RBFOX1: variants seen among roughly 807,000 people sequenced by gnomAD.
The protein encoded by RBFOX1 is RNA binding protein fox-1 homolog 1.
Under a neutral mutation model 57.7 loss-of-function variants are expected in RBFOX1, and 8 were observed. That is an observed-to-expected ratio of 0.14 (90% CI 0.08 to 0.25). The LOEUF (loss-of-function observed/expected upper bound fraction) is 0.25. RBFOX1 is among the 10% of genes least tolerant of loss of function. The pLI, the probability that RBFOX1 is intolerant of heterozygous loss-of-function variation, is 1.00. For synonymous variants in RBFOX1, 326 were observed against 222.4 expected (o/e 1.47, Z -4.15); for missense variants, 611 against 548.5 (o/e 1.11, Z -1.14).
At chr16:5,994,894 T>G (rs1193784718) in intron 4 of RBFOX1, among the ~76,000 whole-genome samples, 1 of 152,232 alleles carries the variant, frequency 6.6e-6, no homozygotes, top group Non-Finnish European at 1.5e-5. Flanking sequence ...GTTTCCACTC[T>G]TCTTCAGTGT....
chr16:7,404,056 T>TTATTTTATTTTATTTTATTA (rs1487567417), intron 4 of RBFOX1, among the ~76,000 whole-genome samples: 2 of 150,256 alleles, frequency 1.3e-5, no homozygotes, highest in African/African-American at 4.9e-5. Context: ...TTATTTTATT[T>TTATTTTATTTTATTTTATTA]TATTTTATTT....
chr16:7,422,333 G>C (rs1370982054), intron 4 of RBFOX1, among the ~76,000 whole-genome samples: 1 of 152,170 alleles, frequency 6.6e-6, no homozygotes, highest in Non-Finnish European at 1.5e-5. Flanking sequence ...AGTGAGCTGT[G>C]AAATATATTC....
intron 5 of RBFOX1, among the ~76,000 whole-genome samples, chr16:7,555,732 A>C (rs1227036254): frequency 2.0e-5 from 3 of 152,050 alleles, no homozygotes; most frequent in African/African-American, 7.2e-5. Flanking sequence ...TTATTGCCTG[A>C]GCTCTCCCTG....
At chr16:5,849,352 C>T (rs1379281014) in intron 3 of RBFOX1, among the ~76,000 whole-genome samples, 2 of 151,994 alleles carry the variant, frequency 1.3e-5, no homozygotes, top group Non-Finnish European at 2.9e-5. Context: ...CTTGAGGTTA[C>T]TGAAATCACC....
rs188546752 is a variant in RBFOX1, at chr16:6,922,625, A to G, written c.-15-129432A>G. ...TGATTCTTTTACTTGCTGACTGTTG[A>G]ATGTGAAATGTGCAGCCACCTGTAA... On this transcript the variant is annotated intron_variant, in intron 3 of 15. Transcript: ENST00000550418. Among the ~76,000 whole-genome samples, 361 of 152,258 alleles carry G rather than the reference A, an allele frequency of 2.4e-3. 1 individual carries two copies. The highest frequency in any genetic ancestry group is 0.01 in the Middle Eastern group (3 of 294).
rs78585848 is a variant in RBFOX1, at chr16:6,762,273, G to C, written c.-16+107623G>C. ...TGATAGGTTATATATGTAGTGTCTA[G>C]AGTGCAGACTTCTAGTGAAAATACT... is the stretch of plus-strand genomic sequence containing the variant. On this transcript the variant is annotated intron_variant, in intron 3 of 15. Coordinates refer to ENST00000550418, the MANE Select transcript of RBFOX1 (RefSeq NM_018723.4). 1.5e-4 allele frequency among the ~76,000 whole-genome samples: 23 copies of C among 152,300 alleles called. No homozygotes were observed. In the East Asian group the frequency reaches 4.1e-3, roughly 27 times the overall value.
intron 3 of RBFOX1, among the ~76,000 whole-genome samples, chr16:7,019,505 C>A (rs888550190): frequency 1.3e-5 from 2 of 152,066 alleles, no homozygotes; most frequent in Non-Finnish European, 2.9e-5. Context: ...CTTGTCTGAA[C>A]CCCTGAGCCC....
intron 4 of RBFOX1, among the ~76,000 whole-genome samples, chr16:7,437,451 G>T (rs7196458): frequency 6.6e-6 from 1 of 152,012 alleles, no homozygotes; most frequent in Admixed American, 6.6e-5. Flanking sequence ...CACTGTTGGC[G>T]CGTTATTAAT....
At chr16:7,042,179 G>A (rs114193756) in intron 3 of RBFOX1, among the ~76,000 whole-genome samples, 269 of 152,266 alleles carry the variant, frequency 1.8e-3, no homozygotes, top group African/African-American at 6.1e-3. Flanking sequence ...CTAGCTAGTC[G>A]GTGCATGTCT....
At chr16:6,596,445 A>T (rs1471944849) in intron 2 of RBFOX1, among the ~76,000 whole-genome samples, 1 of 152,152 alleles carries the variant, frequency 6.6e-6, no homozygotes, top group Non-Finnish European at 1.5e-5. Flanking sequence ...TTAATTGTAG[A>T]ATGTAAATAT....
In RBFOX1 at chr16:5,473,539, G is replaced by A. The variant is rs190174591; in HGVS notation, c.258+6285G>A. On this transcript the variant is annotated intron_variant, in intron 2 of 2. Transcript: ENST00000585867. ...TAGATAATGCACGTTGCATGGGTGG[G>A]TAGGTGGATGGATGGATGGATGGAA... is the stretch of plus-strand genomic sequence containing the variant. Among the ~76,000 whole-genome samples, 307 of 152,128 alleles carry A rather than the reference G, an allele frequency of 2.0e-3. 2 individuals are homozygous for A. Among genetic ancestry groups the A allele is most frequent in the African/African-American group, 7.2e-3 (298 of 41,496 alleles).
chr16:6,697,981 A>T (rs1603440338), intron 3 of RBFOX1, among the ~76,000 whole-genome samples: 1 of 152,198 alleles, frequency 6.6e-6, no homozygotes, highest in East Asian at 1.9e-4. Context: ...TATGGTATGT[A>T]CTTATGTCTT....
intron 4 of RBFOX1, among the ~76,000 whole-genome samples, chr16:7,274,325 T>C (rs2095398584): frequency 1.3e-5 from 2 of 152,224 alleles, no homozygotes. Flanking sequence ...CCCCATTTTA[T>C]TCTTGAGAGA....
intron 3 of RBFOX1, among the ~76,000 whole-genome samples, chr16:6,990,817 T>C (rs916812683): frequency 9.2e-5 from 14 of 152,158 alleles, no homozygotes; most frequent in Non-Finnish European, 1.9e-4. Context: ...AGCTGATACA[T>C]ATCAGTGAGT....
At chr16:6,576,985 C>T (rs954919102) in intron 2 of RBFOX1, 3 of 152,218 alleles carry the variant, frequency 2.0e-5, no homozygotes, top group Admixed American at 1.3e-4. Context: ...AAAGCGGTGA[C>T]ATGTGACCGA....
At chr16:6,238,747 A>G (rs2097524482) in intron 1 of RBFOX1, among the ~76,000 whole-genome samples, 3 of 152,000 alleles carry the variant, frequency 2.0e-5, no homozygotes, top group African/African-American at 4.8e-5. Flanking sequence ...CTGACTGACT[A>G]TTTTTTTAAA....
intron 3 of RBFOX1, among the ~76,000 whole-genome samples, chr16:6,898,096 A>T (rs780045294): frequency 6.6e-6 from 1 of 152,190 alleles, no homozygotes; most frequent in Admixed American, 6.5e-5. Context: ...AATGAGGTGA[A>T]CCGAGTAAAT....
intron 2 of RBFOX1, among the ~76,000 whole-genome samples, chr16:6,417,565 T>C (rs1048151318): frequency 2.6e-5 from 4 of 151,490 alleles, no homozygotes; most frequent in Non-Finnish European, 5.9e-5. Flanking sequence ...AGTTTTTATA[T>C]ATGTAGTAGA....
At chr16:6,110,195 CTTT>C (rs3049169) in intron 1 of RBFOX1, among the ~76,000 whole-genome samples, 2 of 128,262 alleles carry the variant, frequency 1.6e-5, no homozygotes, top group Non-Finnish European at 1.6e-5. Context: ...TTTTCTTCTT[CTTT>C]TTTTTTTTTT....
Sources: gnomAD v4.1 joint callset for allele counts (sites outside exome capture counted in the v4.1 genomes callset) on GRCh38, gnomAD v4.1.1 for gene constraint, MANE v1.5 for transcripts, NCBI Gene and HGNC (gene_info 2026-07-23, HGNC 2026-07-21) for gene names.